Variants in UBXN2B observed in about 807,000 individuals in gnomAD.
The protein encoded by UBXN2B is UBX domain protein 2B.
In UBXN2B, 19 loss-of-function variants were observed where a neutral mutation model predicts 37.5. The ratio of observed to expected loss-of-function variants is 0.51; its 90% CI spans 0.35 to 0.74. UBXN2B has a LOEUF of 0.74. Ranked by LOEUF, UBXN2B falls within the 30% of genes least tolerant of loss-of-function variation. The probability of loss-of-function intolerance (pLI) is 0.01; values close to 1 mark genes in which losing one functional copy is unlikely to be tolerated. For missense variants in UBXN2B, 370 were observed against 393.2 expected, an observed-to-expected ratio of 0.94 and a Z score of 0.50; for synonymous variants, 145 against 143.8, an observed-to-expected ratio of 1.01 and a Z score of -0.06.
chr8:58,417,050 T>A, intron 2 of UBXN2B, 97 bp downstream of exon 2: 1 of 954,198 alleles, frequency 1.0e-6, no homozygotes, highest in South Asian at 2.4e-5. Context: ...TCAAGGTTTC[T>A]TCAATAATTT....
rs1279333955 is a variant in UBXN2B, at chr8:58,448,639, C to T, written c.*1088C>T. The T allele has an allele frequency of 6.6e-6, 1 of 152,516 alleles. No homozygotes were observed. The highest frequency in any genetic ancestry group is 1.5e-5 in the Non-Finnish European group (1 of 68,042). The allele number at this position is 152,516 out of a possible 1,614,324, so 9.4% of individuals were successfully genotyped here. ...ACTAAACACTATTCTGTGTGCTCAA[C>T]CTAGAATGTCTTCTCCAGAACAAGA... On this transcript the variant is annotated 3_prime_UTR_variant, in exon 8 of 8. Transcript: ENST00000399598.
chr8:58,437,955 C>CG (rs1401643441), intron 5 of UBXN2B, among the ~76,000 whole-genome samples: 3 of 151,396 alleles, frequency 2.0e-5, no homozygotes, highest in East Asian at 2.0e-4. Context: ...AGGCAGCCCC[C>CG]CCCCCAACCC....
intron 5 of UBXN2B, among the ~76,000 whole-genome samples, chr8:58,437,698 T>C (rs1454107451): frequency 6.6e-6 from 1 of 152,098 alleles, no homozygotes; most frequent in Non-Finnish European, 1.5e-5. Flanking sequence ...TGGTCAGACA[T>C]AGGAGCAAAT....
chr8:58,434,654 G>A, intron 5 of UBXN2B, 150 bp downstream of exon 5: 1 of 1,004,170 alleles, frequency 1.0e-6, no homozygotes, highest in East Asian at 2.7e-5. Flanking sequence ...GTATTCTTAA[G>A]TTTATAAAGG....
At chr8:58,431,557 T>C (rs963690647) in intron 3 of UBXN2B, among the ~76,000 whole-genome samples, 1 of 152,204 alleles carries the variant, frequency 6.6e-6, no homozygotes, top group Non-Finnish European at 1.5e-5. Flanking sequence ...TACTCACTTA[T>C]GGTTTTATTT....
At position 58,426,112 on chromosome 8, in the gene UBXN2B, G is replaced by A. The variant is rs1018255158; in HGVS notation, c.189-4407G>A. On this transcript the variant is annotated intron_variant, in intron 2 of 7. Transcript: ENST00000399598. ...CTCCATTCTTCTCTTTTAATTGCCC[G>A]TGATGTTCTGTGTAATGCCGGACCA... 3.0e-5 allele frequency: 40 copies of A among 1,328,826 alleles called. No individual in the cohort carries two copies. The East Asian group carries it at 3.9e-4, about 13-fold the overall frequency. The allele number at this position is 1,328,826 out of a possible 1,614,324, so 82.3% of individuals were successfully genotyped here. A position where few individuals can be genotyped will look rare whatever the true frequency, so the allele number is the denominator to read the frequency against.
chr8:58,445,335 G>C (rs1484879067), intron 6 of UBXN2B, among the ~76,000 whole-genome samples: 1 of 152,062 alleles, frequency 6.6e-6, no homozygotes. Flanking sequence ...TTTCTCTTTT[G>C]CAAAGCAGTG....
At chr8:58,419,495 C>T (rs1394558579) in intron 2 of UBXN2B, among the ~76,000 whole-genome samples, 1 of 152,166 alleles carries the variant, frequency 6.6e-6, no homozygotes, top group Non-Finnish European at 1.5e-5. Context: ...CAGAAAGACC[C>T]TCAGGATATA....
intron 3 of UBXN2B, among the ~76,000 whole-genome samples, chr8:58,432,375 CTTTT>C (rs34018318): frequency 2.0e-3 from 166 of 81,484 alleles, no homozygotes; most frequent in Middle Eastern, 0.011. Flanking sequence ...TTCTAAATTT[CTTTT>C]TTTTTTTTTT....
At chr8:58,437,372 GGC>G (rs1338090120) in intron 5 of UBXN2B, among the ~76,000 whole-genome samples, 1 of 122,468 alleles carries the variant, frequency 8.2e-6, no homozygotes, top group Non-Finnish European at 1.6e-5. Context: ...CTGTCACCCA[GGC>G]TGGAGTGCAG....
rs928816619 is a variant in UBXN2B at position 58,450,999 on chromosome 8, A to G, written c.*3448A>G. ...TGTGTAACAGCCAGCCCCATTTCAA[A>G]AAGATTACCAGGGGTAAAACAACTT... On this transcript the variant is annotated 3_prime_UTR_variant, in exon 8 of 8. Coordinates refer to ENST00000399598, the MANE Select transcript of UBXN2B (RefSeq NM_001077619.2). 1 of 152,654 alleles carries G rather than the reference A, an allele frequency of 6.6e-6. No homozygotes were observed. The highest frequency in any genetic ancestry group is 1.5e-5 in the Non-Finnish European group (1 of 68,046). The allele number at this position is 152,654 out of a possible 1,614,324, so 9.5% of individuals were successfully genotyped here. A position where few individuals can be genotyped will look rare whatever the true frequency, so the allele number is the denominator to read the frequency against.
At chr8:58,415,980 G>T (rs375555510) in intron 1 of UBXN2B, among the ~76,000 whole-genome samples, 2 of 151,176 alleles carry the variant, frequency 1.3e-5, no homozygotes, top group Non-Finnish European at 3.0e-5. Context: ...CATATCATTT[G>T]TGTGTCTAAA....
At chr8:58,446,262 AAC>A (rs1257580812) in intron 7 of UBXN2B, among the ~76,000 whole-genome samples, 194 bp downstream of exon 7, 5 of 151,502 alleles carry the variant, frequency 3.3e-5, no homozygotes, top group African/African-American at 9.7e-5. Context: ...GTGGTATTTA[AAC>A]AGTCTCTATA....
At chr8:58,423,548 G>GC (rs984403798) in intron 2 of UBXN2B, among the ~76,000 whole-genome samples, 1 of 151,414 alleles carries the variant, frequency 6.6e-6, no homozygotes, top group Non-Finnish European at 1.5e-5. Context: ...CCGTTCTCCT[G>GC]CCTCAGCCTC....
intron 6 of UBXN2B, 60 bp from the exon 7 acceptor site, chr8:58,445,847 T>G (rs1808653242): frequency 7.0e-7 from 1 of 1,422,434 alleles, no homozygotes; most frequent in Non-Finnish European, 9.4e-7. Flanking sequence ...TGTTTATCGC[T>G]GTCTTCAGTT....
At chr8:58,434,317 T>C (rs1464889218) in intron 4 of UBXN2B, 78 bp from the exon 5 acceptor site, 2 of 396,030 alleles carry the variant, frequency 5.1e-6, no homozygotes, top group African/African-American at 4.3e-5. Flanking sequence ...CTTAAAATTA[T>C]TTGGGGGAGA....
At chr8:58,418,343 G>A (rs1807839544) in intron 2 of UBXN2B, among the ~76,000 whole-genome samples, 1 of 151,598 alleles carries the variant, frequency 6.6e-6, no homozygotes, top group African/African-American at 2.4e-5. Context: ...TTTGGATTTA[G>A]GATTCAACTG....
chr8:58,433,378 A>T (rs1220894431), intron 4 of UBXN2B, 135 bp downstream of exon 4: 5 of 632,900 alleles, frequency 7.9e-6, no homozygotes, highest in Admixed American at 3.0e-5. Context: ...AGGACCAATG[A>T]TGTGTGAGTT....
chr8:58,424,837 C>T (rs1207492294), intron 2 of UBXN2B: 6 of 1,424,112 alleles, frequency 4.2e-6, no homozygotes, highest in South Asian at 2.3e-5. Context: ...ATAGATAAAT[C>T]GGTACTGTGT....
Sources: gnomAD v4.1 joint callset for allele counts (sites outside exome capture counted in the v4.1 genomes callset) on GRCh38, gnomAD v4.1.1 for gene constraint, MANE v1.5 for transcripts, NCBI Gene and HGNC (gene_info 2026-07-23, HGNC 2026-07-21) for gene names.